Variants in ZNF362 observed in about 807,000 individuals in gnomAD.
ZNF362 encodes zinc finger protein 362.
Under a neutral mutation model 42.9 loss-of-function variants are expected in ZNF362, and 11 were observed. That is an observed-to-expected ratio of 0.26 (90% CI 0.16 to 0.42). The LOEUF is 0.42. Among genes scored for constraint, ZNF362 ranks in the 20% least tolerant of loss-of-function variants. The probability of loss-of-function intolerance (pLI) is 1.00; values close to 1 mark genes in which losing one functional copy is unlikely to be tolerated. For synonymous variants in ZNF362, 255 were observed against 257.3 expected (o/e 0.99, Z 0.09); for missense variants, 362 against 576.2 (o/e 0.63, Z 3.81).
the ZNF362 span, chr1:33,181,754 TC>T: frequency 3.3e-6 from 1 of 302,002 alleles, no homozygotes; most frequent in African/African-American, 2.4e-5. The surrounding 1 kb of genome is among the most constrained non-coding windows in gnomAD (Gnocchi z 6.5). Context: ...GGCGGGGCAG[TC>T]CTAAGGGATA....
At chr1:33,134,660 G>A in the ZNF362 span, among the ~76,000 whole-genome samples, 2 of 152,216 alleles carry the variant, frequency 1.3e-5, no homozygotes, top group South Asian at 4.1e-4. Flanking sequence ...ACGCAGGGAA[G>A]CTGTGGCATG....
chr1:33,175,222 T>C, the ZNF362 span, among the ~76,000 whole-genome samples: 1 of 149,442 alleles, frequency 6.7e-6, no homozygotes, highest in South Asian at 2.1e-4. Context: ...TTTTTTTTTG[T>C]ATTTTTAGTA....
chr1:33,222,837 C>G, the ZNF362 span, among the ~76,000 whole-genome samples: 2 of 152,140 alleles, frequency 1.3e-5, no homozygotes, highest in African/African-American at 4.8e-5. Flanking sequence ...CAAATCTCAT[C>G]TTGAATTCCC....
chr1:33,272,056 G>T (rs777923162), intron 2 of ZNF362, among the ~76,000 whole-genome samples: 1 of 152,024 alleles, frequency 6.6e-6, no homozygotes, highest in African/African-American at 2.4e-5. Flanking sequence ...GGGGGCTCCC[G>T]CTCTGTCCTG....
intron 2 of ZNF362, among the ~76,000 whole-genome samples, chr1:33,272,088 G>C (rs951532249): frequency 2.6e-5 from 4 of 152,208 alleles, no homozygotes; most frequent in Admixed American, 2.6e-4. Flanking sequence ...TGGTGGGGAA[G>C]AGAGGCTAGG....
At chr1:33,147,510 G>C in the ZNF362 span, 4 of 1,613,128 alleles carry the variant, frequency 2.5e-6, no homozygotes, top group Non-Finnish European at 2.5e-6. The surrounding 1 kb of genome is among the most constrained non-coding windows in gnomAD (Gnocchi z 8.1). Flanking sequence ...GTGCCAGCCC[G>C]ATCACCCACT....
chr1:33,221,940 A>G, the ZNF362 span, among the ~76,000 whole-genome samples: 1 of 152,156 alleles, frequency 6.6e-6, no homozygotes, highest in Non-Finnish European at 1.5e-5. Flanking sequence ...AAATCATCCC[A>G]GCAAAGAAGG....
the ZNF362 span, among the ~76,000 whole-genome samples, chr1:33,174,012 A>T: frequency 7.9e-5 from 12 of 151,856 alleles, no homozygotes; most frequent in East Asian, 1.2e-3. Context: ...GCCTCTTTTT[A>T]AAAAAAATTT....
chr1:33,184,944 C>A, the ZNF362 span, among the ~76,000 whole-genome samples: 1 of 152,010 alleles, frequency 6.6e-6, no homozygotes, highest in Non-Finnish European at 1.5e-5. Flanking sequence ...CCATGCCTGG[C>A]TAATTTTTGT....
chr1:33,213,400 C>A, the ZNF362 span, among the ~76,000 whole-genome samples: 1 of 152,002 alleles, frequency 6.6e-6, no homozygotes, highest in Non-Finnish European at 1.5e-5. Context: ...TATTGTTTGT[C>A]AATTGTATTT....
the ZNF362 span, among the ~76,000 whole-genome samples, chr1:33,248,404 T>C: frequency 6.6e-6 from 1 of 152,208 alleles, no homozygotes; most frequent in East Asian, 1.9e-4. Context: ...GTCTTCACCC[T>C]CTGGCTAAGA....
the ZNF362 span, chr1:33,165,591 G>A: frequency 6.3e-7 from 1 of 1,581,790 alleles, no homozygotes; most frequent in Non-Finnish European, 8.6e-7. This position sits in a 1 kb window ranked among gnomAD's most constrained non-coding sequence, Gnocchi z 4.0. Context: ...GGGCCGGGAT[G>A]GGGGCAGGGG....
chr1:33,264,515 C>T (rs547075752), intron 1 of ZNF362, among the ~76,000 whole-genome samples: 1 of 152,182 alleles, frequency 6.6e-6, no homozygotes, highest in African/African-American at 2.4e-5. Flanking sequence ...CCATAATCAT[C>T]CCCAGTTTAC....
the ZNF362 span, among the ~76,000 whole-genome samples, chr1:33,187,062 G>A: frequency 6.6e-6 from 1 of 152,050 alleles, no homozygotes. Context: ...ATCCTGCAGG[G>A]AAACTCTGGG....
At chr1:33,165,435 CT>C in the ZNF362 span, 1 of 1,537,070 alleles carries the variant, frequency 6.5e-7, no homozygotes, top group East Asian at 2.4e-5. The surrounding 1 kb of genome is among the most constrained non-coding windows in gnomAD (Gnocchi z 4.0). Context: ...GCCCTCATCT[CT>C]GCCGGCCCCA....
At chr1:33,238,876 G>A in the ZNF362 span, among the ~76,000 whole-genome samples, 1 of 152,128 alleles carries the variant, frequency 6.6e-6, no homozygotes, top group Non-Finnish European at 1.5e-5. Flanking sequence ...TGAGGAGAGA[G>A]GCCTCACCAG....
chr1:33,198,597 G>GT, the ZNF362 span, among the ~76,000 whole-genome samples: 1 of 152,082 alleles, frequency 6.6e-6, no homozygotes. Flanking sequence ...AGCCTGGGAG[G>GT]TTGAGGCTGA....
At chr1:33,220,715 G>A in the ZNF362 span, among the ~76,000 whole-genome samples, 1 of 152,098 alleles carries the variant, frequency 6.6e-6, no homozygotes, top group Non-Finnish European at 1.5e-5. Context: ...TTTGCTCTCT[G>A]GTCCTCAGTT....
chr1:33,245,519 A>G, the ZNF362 span, among the ~76,000 whole-genome samples: 1 of 152,148 alleles, frequency 6.6e-6, no homozygotes, highest in African/African-American at 2.4e-5. Context: ...ATGTGACCTT[A>G]TTTGGTAAAA....
Sources: allele counts gnomAD v4.1 joint callset (sites outside exome capture counted in the v4.1 genomes callset), GRCh38; gene constraint gnomAD v4.1.1; non-coding constraint Gnocchi (gnomAD v3.1); transcripts MANE v1.5; gene names NCBI Gene and HGNC (gene_info 2026-07-23, HGNC 2026-07-21).